AKR7A3: variants seen among roughly 807,000 people sequenced by gnomAD.
AKR7A3 encodes the protein aldo-keto reductase family 7 member A3.
Under a neutral mutation model 32.5 loss-of-function variants are expected in AKR7A3, and 37 were observed. The observed-to-expected ratio is 1.14, with a 90% CI of 0.88 to 1.50. The LOEUF (loss-of-function observed/expected upper bound fraction) is 1.50. AKR7A3 is among the 40% of genes most tolerant of loss of function. AKR7A3 has a pLI of 0.00. For synonymous variants in AKR7A3, 177 were observed against 188.4 expected, an observed-to-expected ratio of 0.94 and a Z score of 0.50; for missense variants, 412 against 453.2, an observed-to-expected ratio of 0.91 and a Z score of 0.83.
In AKR7A3 at chr1:19,284,709, G is replaced by A; in HGVS notation, c.681C>T (p.Thr227=). The A allele has an allele frequency of 6.2e-7, 1 of 1,613,850 alleles. No homozygotes were observed. Among genetic ancestry groups the A allele is most frequent in the African/African-American group, 1.3e-5 (1 of 74,758 alleles). The change falls in exon 5 of 7, where the codon ACC becomes ACT. Residue 227 remains threonine (T), a synonymous_variant. Coordinates refer to ENST00000361640, the MANE Select transcript of AKR7A3 (RefSeq NM_012067.3). ...KQPVGRFFGN[T]WAEMYRNRYW... ...ACCGATTCCTGTACATCTCTGCCCA[G>A]GTATTCCCAAAGAAGCGGCCCACGG...
chr1:19,286,500 T>C lies in AKR7A3; in HGVS notation c.215-128A>G, dbSNP rs1428028648. 5.4e-6 allele frequency: 5 copies of C among 925,206 alleles called. No homozygotes were observed. In the South Asian group the frequency reaches 8.1e-5, roughly 15 times the overall value. The allele number at this position is 925,206 out of a possible 1,614,324, so 57.3% of individuals were successfully genotyped here. On this transcript the variant is annotated intron_variant, in intron 1 of 6. Coordinates refer to ENST00000361640, the MANE Select transcript of AKR7A3 (RefSeq NM_012067.3). ...TTCAAGACCAGCTGGACCAACATGGTGAAACCCCATCTCTAATAAAAACAC... is the reference window on the plus strand; with the variant it reads ...TTCAAGACCAGCTGGACCAACATGGCGAAACCCCATCTCTAATAAAAACAC...
At chr1:19,284,904 C>T (rs775054351) in intron 4 of AKR7A3, 114 bp downstream of exon 4, 190 of 1,568,034 alleles carry the variant, frequency 1.2e-4, no homozygotes, top group Middle Eastern at 9.3e-4. Context: ...GCAGCCTTTA[C>T]GTCTTTGACC....
At chr1:19,283,513 C>A (rs1185549913) in intron 6 of AKR7A3, among the ~76,000 whole-genome samples, 2 of 151,948 alleles carry the variant, frequency 1.3e-5, no homozygotes, top group Non-Finnish European at 2.9e-5. Context: ...CATTACAAAG[C>A]CTGGCACTCA....
chr1:19,277,328 A>G, the AKR7A3 span, among the ~76,000 whole-genome samples: 2 of 151,874 alleles, frequency 1.3e-5, no homozygotes, highest in African/African-American at 4.9e-5. Context: ...ATCCCCACGT[A>G]TTTGGAAATT....
chr1:19,286,936 C>T (rs985492327), intron 1 of AKR7A3, among the ~76,000 whole-genome samples: 3 of 151,630 alleles, frequency 2.0e-5, no homozygotes, highest in African/African-American at 7.3e-5. Context: ...TGAGGACTTT[C>T]GCCAGCCAAC....
the AKR7A3 span, among the ~76,000 whole-genome samples, chr1:19,274,905 A>AAAAAAAAAAAAAAAAAAAAAAAAAG: frequency 6.8e-6 from 1 of 147,300 alleles, no homozygotes; most frequent in Non-Finnish European, 1.5e-5. Context: ...AATACAAAAA[A>AAAAAAAAAAAAAAAAAAAAAAAAAG]AAAAAAAAAA....
rs1252596330 is a variant in AKR7A3 at position 19,283,023 on chromosome 1, C to T, written c.835-131G>A. ...ATATGTCCAGAAAGAACTTAAGGTG[C>T]CTTGGATAGCTGTACCCATGTGACG... On this transcript the variant is annotated intron_variant, in intron 6 of 6. Coordinates refer to ENST00000361640, the MANE Select transcript of AKR7A3 (RefSeq NM_012067.3). 10 of 853,674 alleles carry T rather than the reference C, an allele frequency of 1.2e-5. No individual in the cohort carries two copies. In the Admixed American group the frequency reaches 1.6e-4, roughly 14 times the overall value. The allele number at this position is 853,674 out of a possible 1,614,324, so 52.9% of individuals were successfully genotyped here. A position where few individuals can be genotyped will look rare whatever the true frequency, so the allele number is the denominator to read the frequency against.
chr1:19,275,874 G>C, the AKR7A3 span, among the ~76,000 whole-genome samples: 2 of 151,254 alleles, frequency 1.3e-5, no homozygotes, highest in South Asian at 4.2e-4. Flanking sequence ...AATGACAGAG[G>C]TCAATTAACA....
At chr1:19,280,933 T>C (rs1352463634), downstream of AKR7A3, among the ~76,000 whole-genome samples, 6 of 151,988 alleles carry the variant, frequency 3.9e-5, no homozygotes, top group East Asian at 1.2e-3. Flanking sequence ...GACAATACCA[T>C]GAAAGGGTTT....
At chr1:19,284,169 G>T in intron 5 of AKR7A3, 44 bp from the exon 6 acceptor site, 1 of 1,576,980 alleles carries the variant, frequency 6.3e-7, no homozygotes, top group Non-Finnish European at 8.6e-7. Context: ...GCCACATTGG[G>T]AGCCACAACC....
At chr1:19,276,784 AGAGT>A in the AKR7A3 span, among the ~76,000 whole-genome samples, 1 of 151,724 alleles carries the variant, frequency 6.6e-6, no homozygotes, top group Non-Finnish European at 1.5e-5. Context: ...CCTGGACAAC[AGAGT>A]GAGATTCCGT....
intron 6 of AKR7A3, 46 bp from the exon 7 acceptor site, chr1:19,282,938 G>A (rs377420398): frequency 1.3e-5 from 20 of 1,589,966 alleles, no homozygotes; most frequent in Middle Eastern, 1.7e-4. Context: ...GCTGCACAGC[G>A]ACTCTACTCA....
At chr1:19,286,088 C>G in intron 2 of AKR7A3, 96 bp from the exon 3 acceptor site, 6 of 1,587,886 alleles carry the variant, frequency 3.8e-6, no homozygotes, top group Non-Finnish European at 5.2e-6. Context: ...TTCCCTGCTC[C>G]ACCCTGGAAC....
chr1:19,282,938 G>T lies in AKR7A3; in HGVS notation c.835-46C>A, dbSNP rs377420398. 2.5e-6 allele frequency: 4 copies of T among 1,589,964 alleles called. No individual in the cohort carries two copies. In the African/African-American group the frequency reaches 4.1e-5, roughly 16 times the overall value. On this transcript the variant is annotated intron_variant, in intron 6 of 6. Transcript: ENST00000361640. ...CTTCAACCCTCTTCTGCTGCACAGC[G>T]ACTCTACTCACAGCCGTCCCAGCCA...
the AKR7A3 span, among the ~76,000 whole-genome samples, chr1:19,275,333 C>T: frequency 6.6e-6 from 1 of 151,572 alleles, no homozygotes. Flanking sequence ...ATCGCTGGAA[C>T]CTTGGAGGCG....
intron 6 of AKR7A3, 34 bp downstream of exon 6, chr1:19,283,962 G>A (rs747038097): frequency 6.3e-5 from 102 of 1,611,954 alleles, no homozygotes; most frequent in Non-Finnish European, 8.1e-5. Context: ...TCCCCTGGAA[G>A]GGAAGAAGCT....
chr1:19,284,640 A>G (rs771690033), intron 5 of AKR7A3, 46 bp downstream of exon 5: 8 of 1,594,208 alleles, frequency 5.0e-6, no homozygotes, highest in Non-Finnish European at 6.9e-6. Context: ...ATTCCACATA[A>G]AGCTGACCCC....
chr1:19,274,868 G>A, the AKR7A3 span, among the ~76,000 whole-genome samples: 2 of 104,712 alleles, frequency 1.9e-5, no homozygotes, highest in Non-Finnish European at 1.8e-5. Flanking sequence ...ACTCCGCCCT[G>A]GGTGACAGAG....
chr1:19,284,816 C>A, intron 4 of AKR7A3, 31 bp from the exon 5 acceptor site: 1 of 1,608,550 alleles, frequency 6.2e-7, no homozygotes, highest in East Asian at 2.2e-5. Flanking sequence ...GCCCCGGGGC[C>A]TAGAGTGCCC....
Sources: gnomAD v4.1 joint callset for allele counts (sites outside exome capture counted in the v4.1 genomes callset) on GRCh38, gnomAD v4.1.1 for gene constraint, MANE v1.5 for transcripts, NCBI Gene and HGNC (gene_info 2026-07-23, HGNC 2026-07-21) for gene names.